Variants in COL22A1 observed in about 807,000 individuals in gnomAD.
COL22A1 encodes collagen alpha-1(XXII) chain.
A neutral mutation model predicts 248.9 loss-of-function variants in COL22A1; 221 were observed. The ratio of observed to expected loss-of-function variants is 0.89; its 90% CI spans 0.80 to 0.99. COL22A1 has a LOEUF of 0.99. Ranked by LOEUF, COL22A1 falls within the 50% of genes least tolerant of loss-of-function variation. COL22A1 has a pLI of 0.00. For missense variants in COL22A1, 2,240 were observed against 2,179.0 expected (o/e 1.03, Z -0.56); for synonymous variants, 891 against 793.4 (o/e 1.12, Z -2.07).
At chr8:138,862,802 G>A (rs1339038687) in intron 3 of COL22A1, among the ~76,000 whole-genome samples, 1 of 149,124 alleles carries the variant, frequency 6.7e-6, no homozygotes, top group Non-Finnish European at 1.5e-5. Flanking sequence ...AGAAACTTGA[G>A]TCAGAGAGCA....
At chr8:138,717,695 A>G (rs1829551713) in intron 27 of COL22A1, among the ~76,000 whole-genome samples, 1 of 152,196 alleles carries the variant, frequency 6.6e-6, no homozygotes. Flanking sequence ...CCTTGGAGGA[A>G]TACAACAGTT....
chr8:138,691,726 A>ATGCGTGTGCATT (rs1826922438), intron 35 of COL22A1, among the ~76,000 whole-genome samples: 3 of 4,910 alleles, frequency 6.1e-4, no homozygotes, highest in Admixed American at 2.3e-3. Flanking sequence ...ATGTGTGTAC[A>ATGCGTGTGCATT]TGTGAGTGTG....
rs1327145192 is a variant in COL22A1 at position 138,891,993 on chromosome 8, C to T, written c.-72-8749G>A. On this transcript the variant is annotated intron_variant, in intron 1 of 64. Coordinates refer to ENST00000303045, the MANE Select transcript of COL22A1 (RefSeq NM_152888.3). The stretch of plus-strand genomic sequence containing the variant: ...CCTTGCCTACTTGGGACATATCCCA[C>T]TTGGCTATGACGTATAATTATTTTC... Among the ~76,000 whole-genome samples the T allele has an allele frequency of 4.6e-5, 7 of 152,332 alleles. 1 individual carries two copies. In the South Asian group the frequency reaches 1.2e-3, roughly 27 times the overall value.
intron 25 of COL22A1, among the ~76,000 whole-genome samples, chr8:138,723,346 G>T (rs774431136): frequency 6.6e-6 from 1 of 152,130 alleles, no homozygotes; most frequent in Non-Finnish European, 1.5e-5. Context: ...CTTTAGGAAG[G>T]CAGGAGGAAG....
intron 15 of COL22A1, 99 bp from the exon 16 acceptor site, chr8:138,776,109 C>A: frequency 8.5e-7 from 1 of 1,179,826 alleles, no homozygotes; most frequent in Non-Finnish European, 1.3e-6. Flanking sequence ...CAGCTTCCAG[C>A]CCAGGGTGGC....
chr8:138,642,545 T>C (rs1046381233), intron 47 of COL22A1, among the ~76,000 whole-genome samples: 1 of 152,160 alleles, frequency 6.6e-6, no homozygotes, highest in African/African-American at 2.4e-5. Flanking sequence ...TTTTTCTGGA[T>C]GGAAGCTTTC....
intron 3 of COL22A1, among the ~76,000 whole-genome samples, chr8:138,846,366 C>T (rs927483657): frequency 6.6e-6 from 1 of 152,204 alleles, no homozygotes; most frequent in East Asian, 1.9e-4. Flanking sequence ...TCAGAGTAGG[C>T]TGCTCCATTG....
rs373101906 is a variant in COL22A1 at position 138,699,027 on chromosome 8, G to A, written c.2592+1085C>T. 5.3e-5 allele frequency among the ~76,000 whole-genome samples: 8 copies of A among 152,292 alleles called. No individual in the cohort carries two copies. In the East Asian group the frequency reaches 1.4e-3, roughly 26 times the overall value. On this transcript the variant is annotated intron_variant, in intron 32 of 64. Transcript: ENST00000303045. The stretch of plus-strand genomic sequence containing the variant: ...ATAAGGAACATTTTCCAGGACAGGA[G>A]GGCAGTGAAGCAGTGCCCTCTAGTG...
At chr8:138,634,953 A>G in intron 49 of COL22A1, 57 bp downstream of exon 49, 2 of 1,125,402 alleles carry the variant, frequency 1.8e-6, no homozygotes, top group Admixed American at 3.4e-5. Context: ...TGGTGAGTTG[A>G]GATGTGCATT....
At chr8:138,710,345 T>C (rs1005257383) in intron 30 of COL22A1, among the ~76,000 whole-genome samples, 1 of 152,200 alleles carries the variant, frequency 6.6e-6, no homozygotes, top group Admixed American at 6.5e-5. Flanking sequence ...GATCTGCTTC[T>C]TGAACCAGCC....
At chr8:138,742,119 A>C (rs1831631948) in intron 22 of COL22A1, among the ~76,000 whole-genome samples, 1 of 134,936 alleles carries the variant, frequency 7.4e-6, no homozygotes, top group Admixed American at 7.5e-5. Flanking sequence ...GTGATGGTGG[A>C]GTTGATAGTG....
chr8:138,877,113 C>T (rs1385990074), intron 3 of COL22A1, among the ~76,000 whole-genome samples: 2 of 152,092 alleles, frequency 1.3e-5, no homozygotes, highest in East Asian at 3.9e-4. Flanking sequence ...TGCCTCCCCT[C>T]CCCCACCCCC....
chr8:138,868,819 C>T (rs769891630), intron 3 of COL22A1, among the ~76,000 whole-genome samples: 5 of 152,168 alleles, frequency 3.3e-5, no homozygotes, highest in Middle Eastern at 3.4e-3. Flanking sequence ...CAACCTCTGC[C>T]TCCCAGGTTC....
chr8:138,651,923 G>C (rs1367141874), intron 45 of COL22A1, among the ~76,000 whole-genome samples: 2 of 152,140 alleles, frequency 1.3e-5, no homozygotes, highest in Admixed American at 6.5e-5. Context: ...TCTAATTTCT[G>C]GCAGGGCTCT....
chr8:138,686,891 CATT>C (rs1197825266), intron 37 of COL22A1, among the ~76,000 whole-genome samples: 2 of 152,154 alleles, frequency 1.3e-5, no homozygotes, highest in Non-Finnish European at 2.9e-5. Context: ...TCTGAAATGG[CATT>C]ATCTTCTTTT....
intron 16 of COL22A1, among the ~76,000 whole-genome samples, chr8:138,763,730 G>A (rs987266360): frequency 6.6e-6 from 1 of 152,132 alleles, no homozygotes; most frequent in Non-Finnish European, 1.5e-5. Flanking sequence ...TGCCTTCCCT[G>A]CCTCCTATTC....
intron 22 of COL22A1, among the ~76,000 whole-genome samples, chr8:138,751,225 T>A (rs970994658): frequency 2.0e-5 from 3 of 152,212 alleles, no homozygotes; most frequent in Non-Finnish European, 4.4e-5. Context: ...TCTCTATATA[T>A]GACTCCTGGC....
At chr8:138,892,756 C>T (rs1825153148) in intron 1 of COL22A1, among the ~76,000 whole-genome samples, 1 of 152,192 alleles carries the variant, frequency 6.6e-6, no homozygotes, top group South Asian at 2.1e-4. Flanking sequence ...GAACACTGAG[C>T]AGAAAGCAAT....
chr8:138,833,300 A>AG, intron 4 of COL22A1, 150 bp from the exon 5 acceptor site: 1 of 614,480 alleles, frequency 1.6e-6, no homozygotes, highest in South Asian at 1.9e-5. Flanking sequence ...ATATTCAGGG[A>AG]GAAAACACAA....
Sources: allele counts gnomAD v4.1 joint callset (sites outside exome capture counted in the v4.1 genomes callset), GRCh38; gene constraint gnomAD v4.1.1; transcripts MANE v1.5; gene names NCBI Gene and HGNC (gene_info 2026-07-23, HGNC 2026-07-21).